KLHL1: variants seen among roughly 807,000 people sequenced by gnomAD.
KLHL1 encodes the protein kelch like family member 1, also known as kelch-like protein 1.
In KLHL1, 47 loss-of-function variants were observed where a neutral mutation model predicts 77.7. The ratio of observed to expected loss-of-function variants is 0.60; its 90% CI spans 0.48 to 0.77. The LOEUF (loss-of-function observed/expected upper bound fraction) is 0.77. KLHL1 is among the 30% of genes least tolerant of loss of function. The pLI, the probability that KLHL1 is intolerant of heterozygous loss-of-function variation, is 0.00. For missense variants in KLHL1, 925 were observed against 910.8 expected (o/e 1.02, Z -0.20); for synonymous variants, 360 against 325.2 (o/e 1.11, Z -1.15).
intron 9 of KLHL1, 85 bp from the exon 10 acceptor site, chr13:69,707,881 C>T: frequency 8.6e-7 from 1 of 1,156,500 alleles, no homozygotes; most frequent in Non-Finnish European, 1.2e-6. Flanking sequence ...CAAAGCCTGT[C>T]ATGAAAAAGG....
chr13:70,062,910 T>C (rs1192586512), intron 1 of KLHL1, among the ~76,000 whole-genome samples: 3 of 152,206 alleles, frequency 2.0e-5, no homozygotes, highest in African/African-American at 7.2e-5. Flanking sequence ...ATTTTTTTCA[T>C]GTTCAAAGTT....
chr13:69,950,767 C>A (rs1418061078), intron 3 of KLHL1, among the ~76,000 whole-genome samples: 1 of 151,406 alleles, frequency 6.6e-6, no homozygotes, highest in Non-Finnish European at 1.5e-5. Flanking sequence ...ATAATTGTAC[C>A]TTGAACCCAG....
At chr13:69,724,912 T>C (rs1873229362) in intron 8 of KLHL1, among the ~76,000 whole-genome samples, 1 of 152,180 alleles carries the variant, frequency 6.6e-6, no homozygotes. Flanking sequence ...GCAGGAGGAA[T>C]AAGTGAATTA....
At chr13:69,757,283 A>G (rs995573777) in intron 7 of KLHL1, among the ~76,000 whole-genome samples, 1 of 152,168 alleles carries the variant, frequency 6.6e-6, no homozygotes, top group Non-Finnish European at 1.5e-5. Context: ...ATTGTTAAAG[A>G]TGCAATTAAC....
chr13:69,887,824 C>T (rs771433442), intron 4 of KLHL1, among the ~76,000 whole-genome samples: 2 of 152,148 alleles, frequency 1.3e-5, no homozygotes, highest in African/African-American at 2.4e-5. Context: ...TTGCCCTTTA[C>T]AGTTTGTTCA....
intron 9 of KLHL1, among the ~76,000 whole-genome samples, chr13:69,714,646 T>G (rs796834849): frequency 2.6e-5 from 4 of 152,096 alleles, no homozygotes; most frequent in African/African-American, 9.6e-5. Context: ...CAGGCTGGAG[T>G]GCAGTGGCAA....
chr13:69,785,992 C>A (rs374218110), intron 7 of KLHL1, among the ~76,000 whole-genome samples: 1 of 152,066 alleles, frequency 6.6e-6, no homozygotes. Flanking sequence ...CAATAACAGG[C>A]TCTGAAATTG....
intron 4 of KLHL1, among the ~76,000 whole-genome samples, chr13:69,925,574 A>G (rs1396727149): frequency 6.6e-6 from 1 of 152,204 alleles, no homozygotes. Context: ...TTAATTTACT[A>G]GAAGAATATG....
chr13:69,767,137 C>T (rs1398053744), intron 7 of KLHL1, among the ~76,000 whole-genome samples: 2 of 151,986 alleles, frequency 1.3e-5, no homozygotes, highest in African/African-American at 2.4e-5. Flanking sequence ...TTATTAACTG[C>T]TTAATTACTA....
chr13:69,740,242 G>A (rs984718741), intron 8 of KLHL1, 152 bp downstream of exon 8: 7 of 556,626 alleles, frequency 1.3e-5, no homozygotes, highest in Admixed American at 6.1e-5. Context: ...TCTATAGAGA[G>A]AGCACCAGTC....
intron 1 of KLHL1, among the ~76,000 whole-genome samples, chr13:70,075,611 G>A (rs1334545610): frequency 8.7e-5 from 4 of 45,852 alleles, no homozygotes; most frequent in Admixed American, 5.8e-4. Context: ...ATATATATAG[G>A]ACTTACATAT....
chr13:70,100,572 A>G (rs1593744269), intron 1 of KLHL1, among the ~76,000 whole-genome samples: 1 of 152,234 alleles, frequency 6.6e-6, no homozygotes, highest in Non-Finnish European at 1.5e-5. Context: ...TGACCTCACG[A>G]TCCACCAACC....
chr13:69,838,442 C>T (rs1038150353), intron 6 of KLHL1, among the ~76,000 whole-genome samples: 1 of 151,632 alleles, frequency 6.6e-6, no homozygotes, highest in African/African-American at 2.4e-5. Flanking sequence ...AGAATAAAAT[C>T]TTCAAATGCA....
rs540133400 is a variant in KLHL1 at position 70,074,829 on chromosome 13, A to G, written c.497+32374T>C. 2.6e-5 allele frequency among the ~76,000 whole-genome samples: 4 copies of G among 152,204 alleles called. No individual in the cohort carries two copies. The East Asian group carries it at 7.7e-4, about 29-fold the overall frequency. On this transcript the variant is annotated intron_variant, in intron 1 of 10. Transcript: ENST00000377844. Reference sequence around the variant, plus strand: ...AAAAACATAAGAACTCAAAAAATAAACAAATTTATCACTATTCACAGCATG... The same window carrying G: ...AAAAACATAAGAACTCAAAAAATAAGCAAATTTATCACTATTCACAGCATG...
intron 1 of KLHL1, among the ~76,000 whole-genome samples, chr13:70,034,507 T>C (rs1193447241): frequency 6.6e-6 from 1 of 152,220 alleles, no homozygotes; most frequent in Admixed American, 6.5e-5. Flanking sequence ...GGAACAGTTG[T>C]CATGGCAACT....
At chr13:69,738,248 G>C (rs188647752) in intron 8 of KLHL1, among the ~76,000 whole-genome samples, 1 of 152,226 alleles carries the variant, frequency 6.6e-6, no homozygotes, top group African/African-American at 2.4e-5. Context: ...ACAGTCAGCA[G>C]CTTCAAAAAT....
At chr13:69,872,395 T>C (rs1042137293) in intron 5 of KLHL1, among the ~76,000 whole-genome samples, 2 of 152,212 alleles carry the variant, frequency 1.3e-5, no homozygotes, top group African/African-American at 4.8e-5. Context: ...TGGTTAAAAC[T>C]AGTTTCTGAC....
At chr13:69,922,922 T>C (rs1208368270) in intron 4 of KLHL1, among the ~76,000 whole-genome samples, 1 of 152,140 alleles carries the variant, frequency 6.6e-6, no homozygotes, top group Non-Finnish European at 1.5e-5. Flanking sequence ...TCAAATATTA[T>C]ATAAAATATT....
At chr13:69,919,491 G>T (rs905245371) in intron 4 of KLHL1, among the ~76,000 whole-genome samples, 3 of 152,088 alleles carry the variant, frequency 2.0e-5, no homozygotes, top group Admixed American at 1.3e-4. Context: ...GCTCAGAAAT[G>T]GTTGAGTGGA....
Sources: gnomAD v4.1 joint callset for allele counts (sites outside exome capture counted in the v4.1 genomes callset) on GRCh38, gnomAD v4.1.1 for gene constraint, MANE v1.5 for transcripts, NCBI Gene and HGNC (gene_info 2026-07-23, HGNC 2026-07-21) for gene names.